The following CNTN1 variants were observed in gnomAD, a reference collection of about 807,000 sequenced individuals.
CNTN1 encodes contactin 1.
In CNTN1, 38 loss-of-function variants were observed where a neutral mutation model predicts 126.4. The observed-to-expected ratio is 0.30, with a 90% confidence interval of 0.23 to 0.39. The LOEUF (loss-of-function observed/expected upper bound fraction) is 0.39, where lower values mean the gene tolerates loss of function less well. CNTN1 is among the 10% of genes least tolerant of loss of function. The pLI is 1.00. For missense variants in CNTN1, 1,009 were observed against 1,248.4 expected (o/e 0.81, Z 2.89); for synonymous variants, 413 against 422.6 (o/e 0.98, Z 0.28).
rs777046390 is a variant in CNTN1, at chr12:41,016,713, A to G, written c.2216A>G (p.Asn739Ser). The G allele has an allele frequency of 3.1e-6, 5 of 1,614,090 alleles. No homozygotes were observed. The South Asian group carries it at 4.4e-5, about 14-fold the overall frequency. ...PLSREYHYGN[N>S]FGYIVAFKPF... is the part of the protein sequence containing the mutation. Reference sequence around the variant, plus strand: ...TCAAGAGAATACCACTATGGCAACAATTTTGGTTACATAGTGGCATTTAAG... The same window carrying G: ...TCAAGAGAATACCACTATGGCAACAGTTTTGGTTACATAGTGGCATTTAAG... The change falls in exon 19 of 24, where the codon AAT becomes AGT. Residue 739 changes from asparagine (N) to serine (S), a missense_variant. Physicochemically the swap from Asn to Ser is conservative, Grantham distance 46. Transcript: ENST00000551295.
At chr12:40,909,342 G>T (rs1944946787) in intron 2 of CNTN1, among the ~76,000 whole-genome samples, 1 of 151,816 alleles carries the variant, frequency 6.6e-6, no homozygotes, top group Admixed American at 6.6e-5. Context: ...TACTTATTGA[G>T]CTAGGTCATT....
intron 1 of CNTN1, among the ~76,000 whole-genome samples, chr12:40,867,799 T>C (rs1169322131): frequency 2.0e-5 from 3 of 152,052 alleles, no homozygotes; most frequent in African/African-American, 7.2e-5. Flanking sequence ...TTTTTCTCTT[T>C]ACTTTGTTAA....
At chr12:40,728,232 A>G (rs1942407267) in intron 1 of CNTN1, among the ~76,000 whole-genome samples, 1 of 152,204 alleles carries the variant, frequency 6.6e-6, no homozygotes. Flanking sequence ...CAGGAAGTCC[A>G]GAGGCAGGCA....
At chr12:40,985,147 G>T (rs1057121789) in intron 16 of CNTN1, among the ~76,000 whole-genome samples, 1 of 151,832 alleles carries the variant, frequency 6.6e-6, no homozygotes, top group African/African-American at 2.4e-5. Flanking sequence ...AAATATATTT[G>T]CTTGGATATG....
intron 1 of CNTN1, among the ~76,000 whole-genome samples, chr12:40,830,936 CATATAT>C (rs10592424): frequency 0.18 from 12,151 of 65,986 alleles, 738 homozygotes; most frequent in East Asian, 0.27. Flanking sequence ...TATACATATA[CATATAT>C]ATATATATAT....
At chr12:40,850,077 A>G (rs1029181879) in intron 1 of CNTN1, among the ~76,000 whole-genome samples, 3 of 152,080 alleles carry the variant, frequency 2.0e-5, no homozygotes, top group Admixed American at 1.3e-4. Flanking sequence ...AAATGCTTGT[A>G]TCTTTAGCAT....
At chr12:40,768,463 G>T (rs1939209361) in intron 1 of CNTN1, among the ~76,000 whole-genome samples, 2 of 152,142 alleles carry the variant, frequency 1.3e-5, no homozygotes, top group South Asian at 4.1e-4. Flanking sequence ...AAATGGCCAA[G>T]ACGTGATCCA....
chr12:40,964,610 G>C (rs374787233), intron 15 of CNTN1, among the ~76,000 whole-genome samples: 16 of 151,504 alleles, frequency 1.1e-4, no homozygotes, highest in East Asian at 5.8e-4. Context: ...TTACAGAATG[G>C]AGAGAGATAT....
chr12:40,850,164 AT>A (rs1942666526), intron 1 of CNTN1, among the ~76,000 whole-genome samples: 4 of 152,042 alleles, frequency 2.6e-5, no homozygotes, highest in Admixed American at 2.6e-4. Context: ...CAATTTGCTA[AT>A]TTTTCCTGAA....
intron 1 of CNTN1, among the ~76,000 whole-genome samples, chr12:40,712,900 G>A (rs1592000297): frequency 6.6e-6 from 1 of 152,102 alleles, no homozygotes; most frequent in African/African-American, 2.4e-5. Context: ...GATCCCTCAT[G>A]AACGGCTTGC....
chr12:41,053,610 CAT>C (rs1338951658), intron 23 of CNTN1, among the ~76,000 whole-genome samples: 7 of 150,598 alleles, frequency 4.6e-5, no homozygotes, highest in African/African-American at 7.3e-5. Flanking sequence ...TCTGCAGCCA[CAT>C]GTTATTCTTT....
intron 15 of CNTN1, among the ~76,000 whole-genome samples, chr12:40,963,701 T>C (rs1170839130): frequency 6.6e-6 from 1 of 152,090 alleles, no homozygotes; most frequent in Non-Finnish European, 1.5e-5. Context: ...AAAGTCTACA[T>C]TAAGAGTATT....
At chr12:40,737,162 G>C (rs1411214123) in intron 1 of CNTN1, among the ~76,000 whole-genome samples, 1 of 151,390 alleles carries the variant, frequency 6.6e-6, no homozygotes, top group Non-Finnish European at 1.5e-5. Context: ...TCTTCAAATA[G>C]TTTGAAGCAC....
intron 1 of CNTN1, among the ~76,000 whole-genome samples, chr12:40,693,812 G>C (rs557761212): frequency 6.6e-6 from 1 of 152,140 alleles, no homozygotes; most frequent in South Asian, 2.1e-4. Context: ...TTCTCCATTG[G>C]GGGAAAAGCC....
chr12:40,749,423 T>C (rs1938308606), intron 1 of CNTN1, among the ~76,000 whole-genome samples: 3 of 152,228 alleles, frequency 2.0e-5, no homozygotes, highest in South Asian at 2.1e-4. Context: ...TATTGTGATG[T>C]ATGTTAGTAC....
At chr12:40,971,596 T>C (rs1947514511) in intron 15 of CNTN1, 36 of 1,525,746 alleles carry the variant, frequency 2.4e-5, no homozygotes, top group Non-Finnish European at 3.1e-5. Flanking sequence ...TCTTGTAGCT[T>C]CTGCAGTTCT....
chr12:40,847,078 G>C (rs1942537389), intron 1 of CNTN1, among the ~76,000 whole-genome samples: 1 of 152,054 alleles, frequency 6.6e-6, no homozygotes, highest in African/African-American at 2.4e-5. Flanking sequence ...ATATTGGCCA[G>C]GCTGGTCTCG....
intron 19 of CNTN1, among the ~76,000 whole-genome samples, chr12:41,018,893 AT>A (rs1374787326): frequency 1.3e-5 from 2 of 152,158 alleles, no homozygotes; most frequent in Non-Finnish European, 1.5e-5. Flanking sequence ...GTGGTGGCTC[AT>A]GCCTATAATC....
chr12:40,823,067 T>C (rs1328351432), intron 1 of CNTN1, among the ~76,000 whole-genome samples: 3 of 152,222 alleles, frequency 2.0e-5, no homozygotes. Flanking sequence ...TATATGTATG[T>C]ATGTATACAC....
Sources: allele counts gnomAD v4.1 joint callset (sites outside exome capture counted in the v4.1 genomes callset), GRCh38; gene constraint gnomAD v4.1.1; transcripts MANE v1.5; gene names NCBI Gene and HGNC (gene_info 2026-07-23, HGNC 2026-07-21).